The following PEX3 variants were observed in gnomAD, a reference collection of about 807,000 sequenced individuals.
PEX3 encodes the protein peroxisomal biogenesis factor 3.
PEX3 carries 30 observed loss-of-function variants against 55.8 expected under a neutral mutation model. That is an observed-to-expected ratio of 0.54 (90% CI 0.40 to 0.73). The LOEUF (loss-of-function observed/expected upper bound fraction) is 0.73, where lower values mean the gene tolerates loss of function less well. Ranked by LOEUF, PEX3 falls within the 30% of genes least tolerant of loss-of-function variation. The pLI is 0.00. For synonymous variants in PEX3, 135 were observed against 148.4 expected (o/e 0.91, Z 0.66); for missense variants, 351 against 432.8 (o/e 0.81, Z 1.68).
rs1780354913 is a variant in PEX3 at position 143,489,239 on chromosome 6, G to C, written c.*13G>C. On this transcript the variant is annotated 3_prime_UTR_variant, in exon 12 of 12. Coordinates refer to ENST00000367591, the MANE Select transcript of PEX3 (RefSeq NM_003630.3). This position sits in a 1 kb window ranked among gnomAD's most constrained non-coding sequence, Gnocchi z 5.5. ...ACTGGAGAAATGATTTTTCCTTCAA[G>C]AAAAACTACAGTGGGATTCATTTAC... 3 of 1,435,556 alleles carry C rather than the reference G, an allele frequency of 2.1e-6. No individual in the cohort carries two copies. The highest frequency in any genetic ancestry group is 1.7e-5 in the Admixed American group (1 of 59,712). The allele number at this position is 1,435,556 out of a possible 1,614,324, so 88.9% of individuals were successfully genotyped here. A position where few individuals can be genotyped will look rare whatever the true frequency, so the allele number is the denominator to read the frequency against.
rs1393408043 is a variant in PEX3 at position 143,453,078 on chromosome 6, G to GGTCTAT, written c.73+1963_73+1964insGTCTAT. Among the ~76,000 whole-genome samples, 4 of 152,270 alleles carry GGTCTAT rather than the reference G, an allele frequency of 2.6e-5. No individual in the cohort carries two copies. Among genetic ancestry groups the GGTCTAT allele is most frequent in the African/African-American group, 9.6e-5 (4 of 41,544 alleles). On this transcript the variant is annotated intron_variant, in intron 1 of 11. Transcript: ENST00000367591. This position sits in a 1 kb window ranked among gnomAD's most constrained non-coding sequence, Gnocchi z 4.6. The stretch of plus-strand genomic sequence containing the variant: ...GGAACTGGAATTCAAACCCAGGTGT[G>GGTCTAT]TTGGACCACAAAGCACATTCTATTT...
rs558240350 is a variant in PEX3, at chr6:143,479,798, T to A, written c.941+600T>A. Among the ~76,000 whole-genome samples, 6 of 152,232 alleles carry A rather than the reference T, an allele frequency of 3.9e-5. No homozygotes were observed. The highest frequency in any genetic ancestry group is 1.2e-4 in the African/African-American group (5 of 41,576). On this transcript the variant is annotated intron_variant, in intron 10 of 11. Transcript: ENST00000367591. The surrounding 1 kb of genome is among the most constrained non-coding windows in gnomAD (Gnocchi z 4.6). ...CTTACGGTTTTTTATATCTTTGTTA[T>A]CCCAACACAAATATCTTTGGTCTCA...
chr6:143,489,109 G>T lies in PEX3; in HGVS notation c.1039-34G>T, dbSNP rs756254799. 3 of 1,383,884 alleles carry T rather than the reference G, an allele frequency of 2.2e-6. No homozygotes were observed. Among genetic ancestry groups the T allele is most frequent in the Non-Finnish European group, 3.1e-6 (3 of 970,850 alleles). The allele number at this position is 1,383,884 out of a possible 1,614,324, so 85.7% of individuals were successfully genotyped here. On this transcript the variant is annotated intron_variant, in intron 11 of 11. Transcript: ENST00000367591. This position sits in a 1 kb window ranked among gnomAD's most constrained non-coding sequence, Gnocchi z 5.5. Reference sequence around the variant, plus strand: ...TTAATTCAAATTAGCTATATGTTTTGCAAACTATAATGTTATATTATCATC... The same window carrying T: ...TTAATTCAAATTAGCTATATGTTTTTCAAACTATAATGTTATATTATCATC...
rs375826731 is a variant in PEX3 at position 143,488,018 on chromosome 6, G to A, written c.1039-1125G>A. ...ACAAAATTTCCCCTCAAATTCTTGG[G>A]CCCCTGAAAGTATGTCTGTAAATTC... On this transcript the variant is annotated intron_variant, in intron 11 of 11. Coordinates refer to ENST00000367591, the MANE Select transcript of PEX3 (RefSeq NM_003630.3). The surrounding 1 kb of genome is among the most constrained non-coding windows in gnomAD (Gnocchi z 4.9). 6.6e-6 allele frequency among the ~76,000 whole-genome samples: 1 copy of A among 151,876 alleles called. No individual in the cohort carries two copies. The highest frequency in any genetic ancestry group is 2.4e-5 in the African/African-American group (1 of 41,340).
Position 143,475,661 on chromosome 6 carries a change from C to G in PEX3, c.818+805C>G, listed in dbSNP as rs370437904. 4.4e-4 allele frequency among the ~76,000 whole-genome samples: 67 copies of G among 152,158 alleles called. No individual in the cohort carries two copies. The highest frequency in any genetic ancestry group is 3.4e-3 in the Middle Eastern group (1 of 292). ...AGAGTAAGATCCTGTCTCAAACAAA[C>G]AAAACAAAACAAAAAAGGCCATCAG... On this transcript the variant is annotated intron_variant, in intron 9 of 11. Coordinates refer to ENST00000367591, the MANE Select transcript of PEX3 (RefSeq NM_003630.3). This position sits in a 1 kb window ranked among gnomAD's most constrained non-coding sequence, Gnocchi z 4.4.
Position 143,458,377 on chromosome 6 carries a change from G to A in PEX3, c.74-708G>A, listed in dbSNP as rs536739055. On this transcript the variant is annotated intron_variant, in intron 1 of 11. Transcript: ENST00000367591. The surrounding 1 kb of genome is among the most constrained non-coding windows in gnomAD (Gnocchi z 6.1). ...CCAGTTAAGTTACTAATTTTTAGATGAGAGAGTTGTATTTTCTCTCCTTAT... is the reference window on the plus strand; with the variant it reads ...CCAGTTAAGTTACTAATTTTTAGATAAGAGAGTTGTATTTTCTCTCCTTAT... Among the ~76,000 whole-genome samples, 3 of 152,150 alleles carry A rather than the reference G, an allele frequency of 2.0e-5. No individual in the cohort carries two copies. Among genetic ancestry groups the A allele is most frequent in the African/African-American group, 7.2e-5 (3 of 41,498 alleles).
rs764099097 is a variant in PEX3 at position 143,451,137 on chromosome 6, AGG to A, written c.73+26_73+27del. Reference sequence around the variant, plus strand: ...GGAGGTGGGTGACAACGTGCTTGAAAGGGGGCATTGGGAGAAGGGGGTGGGAG... The same window carrying A: ...GGAGGTGGGTGACAACGTGCTTGAAAGGGCATTGGGAGAAGGGGGTGGGAG... On this transcript the variant is annotated intron_variant, in intron 1 of 11. Transcript: ENST00000367591. The surrounding 1 kb of genome is among the most constrained non-coding windows in gnomAD (Gnocchi z 4.1). 5 of 1,553,216 alleles carry A rather than the reference AGG, an allele frequency of 3.2e-6. No individual in the cohort carries two copies. The highest frequency in any genetic ancestry group is 4.4e-6 in the Non-Finnish European group (5 of 1,124,498).
chr6:143,457,592 T>C lies in PEX3; in HGVS notation c.74-1493T>C, dbSNP rs868770377. Among the ~76,000 whole-genome samples, 7 of 152,296 alleles carry C rather than the reference T, an allele frequency of 4.6e-5. 1 individual carries two copies. The South Asian group carries it at 1.5e-3, about 32-fold the overall frequency. On this transcript the variant is annotated intron_variant, in intron 1 of 11. Transcript: ENST00000367591. ...CTGTGACAGACCAAATCTAATTACTTAGGTCATGCACAATTCTTAGGTTAT... is the reference window on the plus strand; with the variant it reads ...CTGTGACAGACCAAATCTAATTACTCAGGTCATGCACAATTCTTAGGTTAT...
intron 1 of PEX3, among the ~76,000 whole-genome samples, chr6:143,455,359 A>ATTTTTTTTCT (rs1779831291): frequency 1.4e-5 from 1 of 71,968 alleles, no homozygotes. Flanking sequence ...CGCCCGGCTA[A>ATTTTTTTTCT]TTTTTTTTTT....
Position 143,486,950 on chromosome 6 carries a change from CTT to C in PEX3, c.1038+1704_1038+1705del, listed in dbSNP as rs1339909981. Among the ~76,000 whole-genome samples the C allele has an allele frequency of 1.3e-5, 2 of 152,178 alleles. No homozygotes were observed. Among genetic ancestry groups the C allele is most frequent in the African/African-American group, 4.8e-5 (2 of 41,454 alleles). ...AAAGAGTATGGCTGTTTCAACAAAA[CTT>C]TATATACAAAAACAGGCGGCAGTGG... is the stretch of plus-strand genomic sequence containing the variant. On this transcript the variant is annotated intron_variant, in intron 11 of 11. Transcript: ENST00000367591. The surrounding 1 kb of genome is among the most constrained non-coding windows in gnomAD (Gnocchi z 5.0).
Position 143,459,678 on chromosome 6 carries a change from C to G in PEX3, c.205+462C>G, listed in dbSNP as rs942280571. Among the ~76,000 whole-genome samples the G allele has an allele frequency of 6.6e-6, 1 of 152,136 alleles. No homozygotes were observed. The highest frequency in any genetic ancestry group is 6.5e-5 in the Admixed American group (1 of 15,274). On this transcript the variant is annotated intron_variant, in intron 2 of 11. Transcript: ENST00000367591. This position sits in a 1 kb window ranked among gnomAD's most constrained non-coding sequence, Gnocchi z 4.2. ...ACAATGGAGGGAGCCATGTGAAATG[C>G]CTGAGGCGGGAACAAGCTTGGTACT...
chr6:143,472,301 A>C lies in PEX3; in HGVS notation c.720A>C (p.Pro240=). The stretch of plus-strand genomic sequence containing the variant: ...CTTTATTATGCCATTATATGATGCC[A>C]GATGAAGAAACTCCATTAGCAGTGC... The part of the protein sequence containing the change: ...SKPLLCHYMM[P]DEETPLAVQA... The change falls in exon 8 of 12, where the codon CCA becomes CCC. Residue 240 remains proline (P), a synonymous_variant. Coordinates refer to ENST00000367591, the MANE Select transcript of PEX3 (RefSeq NM_003630.3). 2 of 1,609,920 alleles carry C rather than the reference A, an allele frequency of 1.2e-6. No individual in the cohort carries two copies. The highest frequency in any genetic ancestry group is 1.7e-6 in the Non-Finnish European group (2 of 1,176,692).
rs1337318396 is a variant in PEX3, at chr6:143,476,620, C to T, written c.818+1764C>T. Reference sequence around the variant, plus strand: ...TATTTTTAAGGTTGAACCAGTAGTACTTGTGGAATTATTTAGTGTGGGTTA... The same window carrying T: ...TATTTTTAAGGTTGAACCAGTAGTATTTGTGGAATTATTTAGTGTGGGTTA... On this transcript the variant is annotated intron_variant, in intron 9 of 11. Transcript: ENST00000367591. This position sits in a 1 kb window ranked among gnomAD's most constrained non-coding sequence, Gnocchi z 5.4. 6.6e-6 allele frequency among the ~76,000 whole-genome samples: 1 copy of T among 152,052 alleles called. No individual in the cohort carries two copies. The highest frequency in any genetic ancestry group is 1.5e-5 in the Non-Finnish European group (1 of 68,014).
Position 143,489,176 on chromosome 6 carries a change from G to A in PEX3, c.1072G>A (p.Ala358Thr). The A allele has an allele frequency of 1.2e-6, 2 of 1,610,346 alleles. No homozygotes were observed. Among genetic ancestry groups the A allele is most frequent in the South Asian group, 2.2e-5 (2 of 91,000 alleles). ...LLTMEQVKDF[A>T]ANVYEAFSTP... ...GACAATGGAGCAAGTGAAAGACTTT[G>A]CTGCTAATGTGTATGAAGCTTTTAG... The change falls in exon 12 of 12, where the codon GCT (alanine) becomes ACT (threonine). Residue 358 changes from alanine (A) to threonine (T), a missense_variant. Transcript: ENST00000367591. This position sits in a 1 kb window ranked among gnomAD's most constrained non-coding sequence, Gnocchi z 5.5.
intron 1 of PEX3, among the ~76,000 whole-genome samples, chr6:143,452,686 A>C (rs893105620): frequency 2.6e-5 from 4 of 152,190 alleles, no homozygotes; most frequent in African/African-American, 9.6e-5. Context: ...TATATCAAAA[A>C]AGGAGTCAGT....
intron 2 of PEX3, among the ~76,000 whole-genome samples, chr6:143,461,527 T>C (rs1300836062): frequency 2.0e-5 from 3 of 152,152 alleles, no homozygotes; most frequent in Non-Finnish European, 4.4e-5. Flanking sequence ...GATAATGGTG[T>C]TACAAATAAT....
rs1001781691 is a variant in PEX3 at position 143,467,509 on chromosome 6, C to A, written c.288-613C>A. On this transcript the variant is annotated intron_variant, in intron 3 of 11. Coordinates refer to ENST00000367591, the MANE Select transcript of PEX3 (RefSeq NM_003630.3). Reference sequence around the variant, plus strand: ...ATTTCCTGCTATGAGAAAACAGGACCCAGTGAAATTGGTGATATCAAGTCT... The same window carrying A: ...ATTTCCTGCTATGAGAAAACAGGACACAGTGAAATTGGTGATATCAAGTCT... 5.9e-5 allele frequency among the ~76,000 whole-genome samples: 9 copies of A among 151,888 alleles called. No individual in the cohort carries two copies. In the South Asian group the frequency reaches 1.7e-3, roughly 28 times the overall value.
rs41285017 is a variant in PEX3 at position 143,489,355 on chromosome 6, C to T, written c.*129C>T. 413 of 640,242 alleles carry T rather than the reference C, an allele frequency of 6.5e-4. No homozygotes were observed. The highest frequency in any genetic ancestry group is 1.0e-3 in the Non-Finnish European group (373 of 355,526). 39.7% of individuals were successfully genotyped at this position (640,242 alleles called of 1,614,324 possible). A position where few individuals can be genotyped will look rare whatever the true frequency, so the allele number is the denominator to read the frequency against. On this transcript the variant is annotated 3_prime_UTR_variant, in exon 12 of 12. Transcript: ENST00000367591. The surrounding 1 kb of genome is among the most constrained non-coding windows in gnomAD (Gnocchi z 5.5). ...AAAATATATTCTTAATAAAAGTCTT[C>T]ATTTCATAATGAAATCAATTTATTT...
rs1779952972 is a variant in PEX3, at chr6:143,463,584, A to T, written c.287+587A>T. On this transcript the variant is annotated intron_variant, in intron 3 of 11. Transcript: ENST00000367591. This position sits in a 1 kb window ranked among gnomAD's most constrained non-coding sequence, Gnocchi z 5.7. Reference sequence around the variant, plus strand: ...GTATTGTAATTTGGTATGATACTGTATTAGTTTGAGAAGACTTCCAGCAGG... The same window carrying T: ...GTATTGTAATTTGGTATGATACTGTTTTAGTTTGAGAAGACTTCCAGCAGG... Among the ~76,000 whole-genome samples the T allele has an allele frequency of 1.4e-5, 2 of 147,814 alleles. No homozygotes were observed. Among genetic ancestry groups the T allele is most frequent in the African/African-American group, 4.9e-5 (2 of 40,712 alleles).
Sources: allele counts gnomAD v4.1 joint callset (sites outside exome capture counted in the v4.1 genomes callset), GRCh38; gene constraint gnomAD v4.1.1; non-coding constraint Gnocchi (gnomAD v3.1); transcripts MANE v1.5; gene names NCBI Gene and HGNC (gene_info 2026-07-23, HGNC 2026-07-21).